PDZD2: variants seen among roughly 807,000 people sequenced by gnomAD.
The protein encoded by PDZD2 is PDZ domain-containing protein 2.
A neutral mutation model predicts 220.7 loss-of-function variants in PDZD2; 90 were observed. The ratio of observed to expected loss-of-function variants is 0.41; its 90% CI spans 0.34 to 0.49. The LOEUF (loss-of-function observed/expected upper bound fraction) is 0.49, where lower values mean the gene tolerates loss of function less well. Ranked by LOEUF, PDZD2 falls within the 20% of genes least tolerant of loss-of-function variation. The probability of loss-of-function intolerance (pLI) is 0.28; values close to 1 mark genes in which losing one functional copy is unlikely to be tolerated. For synonymous variants in PDZD2, 1,375 were observed against 1,450.5 expected (o/e 0.95, Z 1.18); for missense variants, 3,174 against 3,608.5 (o/e 0.88, Z 3.08).
At chr5:31,730,171 C>T (rs888900708) in intron 1 of PDZD2, among the ~76,000 whole-genome samples, 1 of 152,140 alleles carries the variant, frequency 6.6e-6, no homozygotes, top group Non-Finnish European at 1.5e-5. Context: ...ATTTTCCTGA[C>T]TCCTATGTAC....
intron 2 of PDZD2, among the ~76,000 whole-genome samples, chr5:31,902,422 T>A (rs1742183505): frequency 6.6e-6 from 1 of 152,140 alleles, no homozygotes; most frequent in African/African-American, 2.4e-5. Context: ...CTTTAGCCTG[T>A]TACTCAGTTG....
intron 24 of PDZD2, among the ~76,000 whole-genome samples, chr5:32,102,123 T>A (rs984717427): frequency 7.2e-5 from 11 of 152,034 alleles, no homozygotes; most frequent in African/African-American, 2.7e-4. Context: ...AAAAAATACT[T>A]TTAAAAATGT....
In PDZD2 at chr5:32,101,147, T is replaced by C. The variant is rs2111686044; in HGVS notation, c.8261T>C (p.Leu2754Pro). 1 of 1,614,112 alleles carries C rather than the reference T, an allele frequency of 6.2e-7. No individual in the cohort carries two copies. The highest frequency in any genetic ancestry group is 2.2e-5 in the East Asian group (1 of 44,880). Residue 2754 changes from leucine to proline, a missense_variant, in exon 24 of 25, where the codon CTG becomes CCG. By Grantham distance (98) the Leu-to-Pro change is moderately conservative (BLOSUM62 -3). Transcript: ENST00000438447. ...CACGATGCTCTGTGTGTTGAAGTGC[T>C]GAAGACCTCGGCTGGGCTGGGACTG... ...AVHDALCVEV[L>P]KTSAGLGLSL...
intron 2 of PDZD2, among the ~76,000 whole-genome samples, chr5:31,892,703 G>C (rs1741153818): frequency 8.0e-6 from 1 of 125,650 alleles, no homozygotes; most frequent in African/African-American, 3.0e-5. Flanking sequence ...GAGTAGCTAG[G>C]TCAACAGGTG....
At chr5:31,814,596 G>C (rs1204817776) in intron 2 of PDZD2, among the ~76,000 whole-genome samples, 2 of 152,160 alleles carry the variant, frequency 1.3e-5, no homozygotes, top group Admixed American at 6.5e-5. Flanking sequence ...GCCAAGGCAG[G>C]TGGATCACCT....
intron 2 of PDZD2, among the ~76,000 whole-genome samples, chr5:31,893,874 A>G (rs1741287014): frequency 7.7e-6 from 1 of 130,280 alleles, no homozygotes; most frequent in African/African-American, 3.1e-5. Flanking sequence ...TCTGATAATC[A>G]GCACATTTAT....
intron 2 of PDZD2, among the ~76,000 whole-genome samples, chr5:31,850,214 G>GTATATATATGTATATATATATA (rs2150297212): frequency 1.2e-5 from 1 of 84,238 alleles, no homozygotes; most frequent in African/African-American, 5.4e-5. Context: ...GTATATATGT[G>GTATATATATGTATATATATATA]TATATATATA....
chr5:31,867,644 A>C (rs541380913), intron 2 of PDZD2, among the ~76,000 whole-genome samples: 1 of 152,272 alleles, frequency 6.6e-6, no homozygotes, highest in South Asian at 2.1e-4. Context: ...CTACAGCTTC[A>C]AGTTGGATTC....
chr5:31,714,990 C>T (rs557184876), intron 1 of PDZD2, among the ~76,000 whole-genome samples: 7 of 149,032 alleles, frequency 4.7e-5, no homozygotes, highest in Admixed American at 3.4e-4. Context: ...ACCCTGGAGG[C>T]GGAGCTTACA....
chr5:31,640,632 C>T (rs1028306944), intron 1 of PDZD2, among the ~76,000 whole-genome samples: 1 of 152,086 alleles, frequency 6.6e-6, no homozygotes. Context: ...CCTGGCATCT[C>T]TACTGGGCCA....
chr5:31,640,920 C>T (rs186942449), intron 1 of PDZD2, among the ~76,000 whole-genome samples: 1 of 152,052 alleles, frequency 6.6e-6, no homozygotes, highest in East Asian at 1.9e-4. Flanking sequence ...AAAATCAGAA[C>T]CATGTAAAGT....
At chr5:31,894,208 C>T (rs1420537772) in intron 2 of PDZD2, among the ~76,000 whole-genome samples, 2 of 151,860 alleles carry the variant, frequency 1.3e-5, no homozygotes, top group Admixed American at 6.6e-5. Context: ...CCACCGTGCT[C>T]GGCCAGCACA....
chr5:31,953,746 C>T (rs183737389), intron 2 of PDZD2, among the ~76,000 whole-genome samples: 17 of 151,936 alleles, frequency 1.1e-4, no homozygotes, highest in African/African-American at 3.6e-4. Flanking sequence ...CCTCTGCCTC[C>T]CAGGTTGAAG....
chr5:31,938,401 T>C (rs1013654675), intron 2 of PDZD2, among the ~76,000 whole-genome samples: 7 of 152,226 alleles, frequency 4.6e-5, no homozygotes, highest in African/African-American at 1.7e-4. Context: ...GAAGCTTTTC[T>C]GCAGGGTCCC....
rs10708046 is a variant in PDZD2 at position 32,083,196 on chromosome 5, CAA to C, written c.3683-3920_3683-3919del. ...TCCTGTGCTTTTTTTGTCTTTTTGCCAAAAAAAAAAAAAAAATCCACTGTGGT... is the reference window on the plus strand; with the variant it reads ...TCCTGTGCTTTTTTTGTCTTTTTGCCAAAAAAAAAAAAAATCCACTGTGGT... On this transcript the variant is annotated intron_variant, in intron 19 of 24. Coordinates refer to ENST00000438447, the MANE Select transcript of PDZD2 (RefSeq NM_178140.4). The surrounding 1 kb of genome is among the most constrained non-coding windows in gnomAD (Gnocchi z 4.1). Among the ~76,000 whole-genome samples, 61 of 129,742 alleles carry C rather than the reference CAA, an allele frequency of 4.7e-4. No individual in the cohort carries two copies. The highest frequency in any genetic ancestry group is 7.1e-4 in the African/African-American group (25 of 35,252). 85.1% of individuals were successfully genotyped at this position (129,742 alleles called of 152,430 possible).
intron 19 of PDZD2, among the ~76,000 whole-genome samples, chr5:32,085,750 T>A (rs1002311790): frequency 2.0e-5 from 3 of 152,144 alleles, no homozygotes; most frequent in African/African-American, 7.2e-5. Context: ...CCCAGCCCTG[T>A]TTTTGTTGTG....
intron 2 of PDZD2, among the ~76,000 whole-genome samples, chr5:31,838,464 C>T (rs1480952189): frequency 6.6e-6 from 1 of 152,238 alleles, no homozygotes; most frequent in Non-Finnish European, 1.5e-5. Context: ...TCTCTGGAAT[C>T]ACAGTCTAAA....
At chr5:31,865,757 A>G (rs966123245) in intron 2 of PDZD2, among the ~76,000 whole-genome samples, 1 of 142,666 alleles carries the variant, frequency 7.0e-6, no homozygotes, top group African/African-American at 2.6e-5. Context: ...TCAGCCTCCC[A>G]AGTAGCTGAG....
chr5:31,670,561 C>T (rs990744853), intron 1 of PDZD2, among the ~76,000 whole-genome samples: 1 of 152,094 alleles, frequency 6.6e-6, no homozygotes, highest in Middle Eastern at 3.2e-3. Flanking sequence ...GGATTACAGG[C>T]ACCCGCCACC....
Sources: gnomAD v4.1 joint callset for allele counts (sites outside exome capture counted in the v4.1 genomes callset) on GRCh38, gnomAD v4.1.1 for gene constraint, Gnocchi (gnomAD v3.1) non-coding constraint, MANE v1.5 for transcripts, NCBI Gene and HGNC (gene_info 2026-07-23, HGNC 2026-07-21) for gene names.